Variants in ATP6V0D2 observed in about 807,000 individuals in gnomAD.
ATP6V0D2 encodes V-type proton ATPase subunit d 2.
In ATP6V0D2, 40 loss-of-function variants were observed where a neutral mutation model predicts 40.0. The ratio of observed to expected loss-of-function variants is 1.00; its 90% CI spans 0.78 to 1.30. ATP6V0D2 has a LOEUF of 1.30. Among genes scored for constraint, ATP6V0D2 ranks in the 50% most tolerant of loss-of-function variants. The pLI is 0.00. For synonymous variants in ATP6V0D2, 179 were observed against 156.3 expected, an observed-to-expected ratio of 1.15 and a Z score of -1.08; for missense variants, 470 against 423.1, an observed-to-expected ratio of 1.11 and a Z score of -0.97.
rs745951968 is a variant in ATP6V0D2 at position 86,150,093 on chromosome 8, T to C, written c.640-19T>C. On this transcript the variant is annotated intron_variant, in intron 5 of 7. Coordinates refer to ENST00000285393, the MANE Select transcript of ATP6V0D2 (RefSeq NM_152565.1). ...TTAGCAGTTTATTAGATTTTACTGG[T>C]TTTGTCTTGCAAATTCAGTTTGAGG... 6.2e-7 allele frequency: 1 copy of C among 1,605,768 alleles called. No homozygotes were observed. Among genetic ancestry groups the C allele is most frequent in the Non-Finnish European group, 8.5e-7 (1 of 1,175,002 alleles).
intron 2 of ATP6V0D2, among the ~76,000 whole-genome samples, chr8:86,129,228 G>A (rs759482123): frequency 6.6e-6 from 1 of 152,184 alleles, no homozygotes; most frequent in African/African-American, 2.4e-5. Context: ...CTTAAATCAG[G>A]TTTATCTGTT....
chr8:86,108,911 T>C (rs769943051), intron 1 of ATP6V0D2, among the ~76,000 whole-genome samples: 1 of 152,228 alleles, frequency 6.6e-6, no homozygotes, highest in Non-Finnish European at 1.5e-5. Flanking sequence ...ATTCACACTA[T>C]GTGATAGACT....
chr8:86,152,607 C>T (rs1819172962), intron 7 of ATP6V0D2, among the ~76,000 whole-genome samples: 1 of 152,178 alleles, frequency 6.6e-6, no homozygotes. Context: ...ACTTTAATAA[C>T]TTCCGTTGTC....
intron 2 of ATP6V0D2, among the ~76,000 whole-genome samples, chr8:86,119,533 T>C (rs572757946): frequency 1.4e-4 from 21 of 152,136 alleles, no homozygotes; most frequent in African/African-American, 4.8e-4. Context: ...CTGGCCCTAA[T>C]CATAGAATCT....
intron 2 of ATP6V0D2, among the ~76,000 whole-genome samples, chr8:86,122,065 T>C (rs1818678191): frequency 6.6e-6 from 1 of 152,248 alleles, no homozygotes; most frequent in African/African-American, 2.4e-5. Context: ...AATAACATTT[T>C]AACGAAGAGA....
intron 2 of ATP6V0D2, among the ~76,000 whole-genome samples, chr8:86,134,460 T>C (rs1348062797): frequency 6.6e-6 from 1 of 152,194 alleles, no homozygotes; most frequent in Non-Finnish European, 1.5e-5. Flanking sequence ...TATTTCACAG[T>C]TGAAGCAAAA....
intron 2 of ATP6V0D2, among the ~76,000 whole-genome samples, chr8:86,115,358 A>ATTTTTTT (rs564384965): frequency 0.015 from 1,074 of 73,286 alleles, 138 homozygotes; most frequent in African/African-American, 0.051. Flanking sequence ...CGTATCATCC[A>ATTTTTTT]TTTTTTTTTT....
intron 5 of ATP6V0D2, among the ~76,000 whole-genome samples, chr8:86,146,364 A>G (rs1461719131): frequency 1.3e-5 from 2 of 152,114 alleles, no homozygotes; most frequent in Non-Finnish European, 2.9e-5. Context: ...ATGGTATCAG[A>G]TGAGATTAGT....
intron 2 of ATP6V0D2, among the ~76,000 whole-genome samples, chr8:86,129,108 C>T (rs1005260351): frequency 7.9e-5 from 12 of 152,206 alleles, no homozygotes; most frequent in African/African-American, 2.9e-4. Context: ...TCTACGAGTG[C>T]TTTCATATGT....
chr8:86,139,274 A>G (rs527858294), intron 2 of ATP6V0D2, among the ~76,000 whole-genome samples, 183 bp from the exon 3 acceptor site: 93 of 152,092 alleles, frequency 6.1e-4, no homozygotes, highest in Non-Finnish European at 9.6e-4. Context: ...TCAATTTATG[A>G]CAGTCTCAGA....
At chr8:86,150,503 C>T (rs768437293) in intron 6 of ATP6V0D2, among the ~76,000 whole-genome samples, 1 of 151,336 alleles carries the variant, frequency 6.6e-6, no homozygotes, top group Non-Finnish European at 1.5e-5. Flanking sequence ...CAAGCAAGTA[C>T]TTGTTTAAAT....
At chr8:86,126,262 A>ATATATATATATATATATATATATC (rs1191399026) in intron 2 of ATP6V0D2, among the ~76,000 whole-genome samples, 2 of 131,336 alleles carry the variant, frequency 1.5e-5, no homozygotes. Context: ...ATATATATAT[A>ATATATATATATATATATATATATC]TCTTTTTGTA....
intron 1 of ATP6V0D2, among the ~76,000 whole-genome samples, chr8:86,100,404 G>A (rs1453502179): frequency 6.6e-6 from 1 of 152,022 alleles, no homozygotes. Flanking sequence ...TCCTAGGAAG[G>A]GTATTAAAAG....
intron 7 of ATP6V0D2, among the ~76,000 whole-genome samples, chr8:86,152,031 C>CCAT (rs1819161936): frequency 6.6e-6 from 1 of 151,906 alleles, no homozygotes; most frequent in African/African-American, 2.4e-5. Flanking sequence ...ACCCGTCAAC[C>CCAT]CATCATCTAC....
At chr8:86,102,153 G>C (rs1178796940) in intron 1 of ATP6V0D2, among the ~76,000 whole-genome samples, 1 of 152,118 alleles carries the variant, frequency 6.6e-6, no homozygotes, top group Non-Finnish European at 1.5e-5. Context: ...ATATGAATAG[G>C]TCTGTGTGGA....
chr8:86,104,507 G>A (rs1818442997), intron 1 of ATP6V0D2, among the ~76,000 whole-genome samples: 1 of 152,136 alleles, frequency 6.6e-6, no homozygotes. Flanking sequence ...GCACTCTTTA[G>A]TAAAAAGTGG....
intron 2 of ATP6V0D2, among the ~76,000 whole-genome samples, chr8:86,135,917 T>A (rs994117911): frequency 6.6e-6 from 1 of 152,196 alleles, no homozygotes; most frequent in Non-Finnish European, 1.5e-5. Flanking sequence ...CCTGGAGATC[T>A]ACAAAGATTA....
intron 1 of ATP6V0D2, among the ~76,000 whole-genome samples, chr8:86,103,490 A>G (rs542396128): frequency 6.6e-6 from 1 of 151,936 alleles, no homozygotes; most frequent in Non-Finnish European, 1.5e-5. Flanking sequence ...AGCTGATTAT[A>G]TCTCACTAAC....
intron 1 of ATP6V0D2, among the ~76,000 whole-genome samples, chr8:86,112,993 C>T (rs2130237765): frequency 6.6e-6 from 1 of 152,298 alleles, no homozygotes; most frequent in East Asian, 1.9e-4. Context: ...CCTGCCCCCA[C>T]ACCCATGGTA....
Sources: gnomAD v4.1 joint callset for allele counts (sites outside exome capture counted in the v4.1 genomes callset) on GRCh38, gnomAD v4.1.1 for gene constraint, MANE v1.5 for transcripts, NCBI Gene and HGNC (gene_info 2026-07-23, HGNC 2026-07-21) for gene names.